The following CACNA2D3 variants were observed in gnomAD, a reference collection of about 807,000 sequenced individuals.
CACNA2D3 encodes the protein voltage-dependent calcium channel subunit alpha-2/delta-3.
Under a neutral mutation model 160.6 loss-of-function variants are expected in CACNA2D3, and 60 were observed. The ratio of observed to expected loss-of-function variants is 0.37; its 90% confidence interval spans 0.30 to 0.46. The LOEUF (loss-of-function observed/expected upper bound fraction) is 0.46, where lower values mean the gene tolerates loss of function less well. Among genes scored for constraint, CACNA2D3 ranks in the 20% least tolerant of loss-of-function variants. The pLI is 1.00. For synonymous variants in CACNA2D3, 558 were observed against 492.9 expected (o/e 1.13, Z -1.75); for missense variants, 1,205 against 1,365.0 (o/e 0.88, Z 1.85).
rs2107488138 is a variant in CACNA2D3 at position 54,299,602 on chromosome 3, G to C, written c.205-20840G>C. On this transcript the variant is annotated intron_variant, in intron 2 of 37. Coordinates refer to ENST00000474759, the MANE Select transcript of CACNA2D3 (RefSeq NM_018398.3). ...CTAGAAAAGCATTCAATTAACGAGA[G>C]AGCCCACGGAACACAAAATGAATGC... Among the ~76,000 whole-genome samples the C allele has an allele frequency of 2.0e-5, 3 of 152,294 alleles. 1 individual carries two copies. The South Asian group carries it at 6.2e-4, about 32-fold the overall frequency.
intron 2 of CACNA2D3, among the ~76,000 whole-genome samples, chr3:54,204,268 T>A (rs1701230241): frequency 6.6e-6 from 1 of 152,028 alleles, no homozygotes; most frequent in African/African-American, 2.4e-5. Context: ...ATAATAAATC[T>A]CCATATATAT....
At chr3:54,879,168 G>C in intron 19 of CACNA2D3, 79 bp downstream of exon 19, 7 of 994,196 alleles carry the variant, frequency 7.0e-6, no homozygotes, top group Non-Finnish European at 1.1e-5. Context: ...GCTATATCTG[G>C]AATAAATATC....
At position 54,184,261 on chromosome 3, in the gene CACNA2D3, G is replaced by T. The variant is rs572391544; in HGVS notation, c.204+60667G>T. On this transcript the variant is annotated intron_variant, in intron 2 of 37. Transcript: ENST00000474759. ...ACTTGACAAACCCTTCAGGCTGTGC[G>T]CTGCCTCTGGTCATTGCTGCAGCCC... Among the ~76,000 whole-genome samples the T allele has an allele frequency of 1.5e-4, 23 of 152,286 alleles. 1 individual carries two copies. The highest frequency in any genetic ancestry group is 1.4e-3 in the Admixed American group (21 of 15,304).
At chr3:54,233,335 GAACA>G (rs1390023158) in intron 2 of CACNA2D3, among the ~76,000 whole-genome samples, 1 of 152,216 alleles carries the variant, frequency 6.6e-6, no homozygotes, top group African/African-American at 2.4e-5. Flanking sequence ...GGGAGCCACA[GAACA>G]ATCACCCACA....
At chr3:54,227,423 A>G (rs1701693346) in intron 2 of CACNA2D3, among the ~76,000 whole-genome samples, 1 of 152,152 alleles carries the variant, frequency 6.6e-6, no homozygotes, top group South Asian at 2.1e-4. Flanking sequence ...GGACAGAAAA[A>G]AAAATAACAA....
chr3:54,634,905 A>T (rs1363205306), intron 10 of CACNA2D3, among the ~76,000 whole-genome samples: 1 of 152,036 alleles, frequency 6.6e-6, no homozygotes, highest in Non-Finnish European at 1.5e-5. Flanking sequence ...AGGGGATGCA[A>T]TGGCTTGGCT....
chr3:54,686,396 G>A (rs1248993322), intron 11 of CACNA2D3, among the ~76,000 whole-genome samples: 1 of 152,198 alleles, frequency 6.6e-6, no homozygotes, highest in Non-Finnish European at 1.5e-5. Flanking sequence ...ATTTTTGCAG[G>A]AAGGATATAA....
At chr3:54,912,230 T>G (rs1245294264) in intron 27 of CACNA2D3, among the ~76,000 whole-genome samples, 2 of 151,998 alleles carry the variant, frequency 1.3e-5, no homozygotes, top group African/African-American at 4.8e-5. Context: ...GAAGCTGGAG[T>G]TTTTTGTAAC....
intron 1 of CACNA2D3, 141 bp from the exon 2 acceptor site, chr3:54,123,372 C>T (rs1576941001): frequency 4.4e-6 from 3 of 679,762 alleles, no homozygotes; most frequent in East Asian, 5.4e-5. Context: ...TACCAAGCCG[C>T]TTTTTCTATC....
intron 31 of CACNA2D3, among the ~76,000 whole-genome samples, chr3:54,993,402 A>C (rs1266084486): frequency 3.3e-5 from 5 of 152,174 alleles, no homozygotes; most frequent in Non-Finnish European, 7.3e-5. Flanking sequence ...AATGTAATAC[A>C]TCTTGCCTGA....
intron 4 of CACNA2D3, among the ~76,000 whole-genome samples, chr3:54,448,527 C>G (rs572494325): frequency 3.4e-4 from 52 of 152,310 alleles, no homozygotes; most frequent in African/African-American, 1.2e-3. Context: ...ACCCAAAACA[C>G]TGGAGGATGA....
rs80292873 is a variant in CACNA2D3, at chr3:54,265,791, A to G, written c.205-54651A>G. Among the ~76,000 whole-genome samples, 716 of 151,742 alleles carry G rather than the reference A, an allele frequency of 4.7e-3. 32 individuals carry two copies. In the East Asian group the frequency reaches 0.089, roughly 19 times the overall value. ...GTATGCATATGAAGGCAAAAAAAAA[A>G]AGGAAACAAAGTATATCTTTTTCTC... On this transcript the variant is annotated intron_variant, in intron 2 of 37. Coordinates refer to ENST00000474759, the MANE Select transcript of CACNA2D3 (RefSeq NM_018398.3).
chr3:54,997,075 G>C (rs1702874630), intron 31 of CACNA2D3, among the ~76,000 whole-genome samples: 1 of 152,138 alleles, frequency 6.6e-6, no homozygotes, highest in Non-Finnish European at 1.5e-5. Flanking sequence ...TAATGTAGAT[G>C]ATGGGTTGAT....
intron 27 of CACNA2D3, among the ~76,000 whole-genome samples, chr3:54,940,740 T>C (rs1701445306): frequency 6.6e-6 from 1 of 152,236 alleles, no homozygotes; most frequent in African/African-American, 2.4e-5. Context: ...GCATTTATTC[T>C]GTGCTTGATA....
intron 13 of CACNA2D3, among the ~76,000 whole-genome samples, chr3:54,804,744 A>G (rs1441278858): frequency 2.0e-5 from 3 of 152,212 alleles, no homozygotes; most frequent in Admixed American, 2.0e-4. Flanking sequence ...TCCACAGAAC[A>G]TACATTTTTT....
intron 11 of CACNA2D3, among the ~76,000 whole-genome samples, chr3:54,675,062 C>A (rs1700216515): frequency 6.6e-6 from 1 of 152,082 alleles, no homozygotes; most frequent in African/African-American, 2.4e-5. Flanking sequence ...GTTAGTCTAG[C>A]CTGACAAAAA....
At chr3:54,883,281 G>A (rs1032363527) in intron 21 of CACNA2D3, among the ~76,000 whole-genome samples, 4 of 152,100 alleles carry the variant, frequency 2.6e-5, no homozygotes, top group Non-Finnish European at 4.4e-5. Flanking sequence ...CTCGGCCTCC[G>A]AAAGTGCTGG....
At chr3:54,667,683 G>A (rs143402452) in intron 11 of CACNA2D3, among the ~76,000 whole-genome samples, 9 of 152,256 alleles carry the variant, frequency 5.9e-5, no homozygotes, top group East Asian at 3.9e-4. Flanking sequence ...CGTGGCTCAC[G>A]CCTGTAATCC....
intron 2 of CACNA2D3, among the ~76,000 whole-genome samples, chr3:54,294,903 G>T (rs150668112): frequency 6.6e-6 from 1 of 152,084 alleles, no homozygotes; most frequent in East Asian, 1.9e-4. Context: ...GGGAGAGACT[G>T]TATGTGGCTT....
Sources: allele counts gnomAD v4.1 joint callset (sites outside exome capture counted in the v4.1 genomes callset), GRCh38; gene constraint gnomAD v4.1.1; transcripts MANE v1.5; gene names NCBI Gene and HGNC (gene_info 2026-07-23, HGNC 2026-07-21).